The following DCP2 variants were observed in gnomAD, a reference collection of about 807,000 sequenced individuals.
DCP2 encodes the protein decapping mRNA 2.
In DCP2, 30 loss-of-function variants were observed where a neutral mutation model predicts 56.1. That is an observed-to-expected ratio of 0.53 (90% CI 0.40 to 0.73). The LOEUF is 0.73. Ranked by LOEUF, DCP2 falls within the 30% of genes least tolerant of loss-of-function variation. The probability of loss-of-function intolerance (pLI) is 0.00; values close to 1 mark genes in which losing one functional copy is unlikely to be tolerated. For missense variants in DCP2, 533 were observed against 502.7 expected, an observed-to-expected ratio of 1.06 and a Z score of -0.58; for synonymous variants, 197 against 163.3, an observed-to-expected ratio of 1.21 and a Z score of -1.57.
intron 1 of DCP2, chr5:112,984,324 T>C (rs924552135): frequency 6.6e-6 from 1 of 152,200 alleles, no homozygotes; most frequent in African/African-American, 2.4e-5. Context: ...CCTGGTCACA[T>C]ACACATCTAG....
At chr5:112,982,988 T>C (rs1748081880) in intron 1 of DCP2, among the ~76,000 whole-genome samples, 1 of 152,198 alleles carries the variant, frequency 6.6e-6, no homozygotes, top group South Asian at 2.1e-4. Flanking sequence ...TTTTCATTTT[T>C]TAAAATACAG....
intron 2 of DCP2, among the ~76,000 whole-genome samples, chr5:112,987,620 C>T (rs1208805990): frequency 4.3e-5 from 3 of 69,732 alleles, no homozygotes; most frequent in Non-Finnish European, 7.6e-5. Context: ...ACCTAGGTGC[C>T]TTTTTTTTTT....
intron 1 of DCP2, among the ~76,000 whole-genome samples, chr5:112,978,959 A>G (rs961904839): frequency 6.6e-6 from 1 of 152,186 alleles, no homozygotes; most frequent in Non-Finnish European, 1.5e-5. Context: ...TCCTTCTAGT[A>G]TTGGGGTTAA....
intron 4 of DCP2, among the ~76,000 whole-genome samples, chr5:113,000,399 TACAC>T (rs758225763): frequency 9.7e-5 from 12 of 123,656 alleles, no homozygotes; most frequent in African/African-American, 1.5e-4. Context: ...ACTTGTCTAA[TACAC>T]ACACACACAC....
intron 1 of DCP2, among the ~76,000 whole-genome samples, chr5:112,983,173 TG>T (rs1307153963): frequency 6.6e-6 from 1 of 152,234 alleles, no homozygotes; most frequent in Non-Finnish European, 1.5e-5. Context: ...CAAAAACTGA[TG>T]AAGTCTGGGT....
intron 2 of DCP2, among the ~76,000 whole-genome samples, chr5:112,989,875 A>G (rs1748500730): frequency 1.3e-5 from 2 of 152,222 alleles, no homozygotes; most frequent in South Asian, 4.1e-4. Flanking sequence ...CTGTGGTAGT[A>G]GAAATGAATA....
At position 113,010,776 on chromosome 5, in the gene DCP2, T is replaced by A. The variant is rs369850559; in HGVS notation, c.1068T>A (p.His356Gln). 2 of 1,595,152 alleles carry A rather than the reference T, an allele frequency of 1.3e-6. No individual in the cohort carries two copies. Among genetic ancestry groups the A allele is most frequent in the Non-Finnish European group, 8.5e-7 (1 of 1,174,004 alleles). The change falls in exon 10 of 11, where the codon CAT becomes CAA. Residue 356 changes from histidine (H) to glutamine (Q), a missense_variant. Physicochemically the swap from His to Gln is conservative, Grantham distance 24. This residue lies in a region of DCP2 where 392 missense variants were observed against 346.6 expected (regional missense o/e 1.13). Transcript: ENST00000389063. ...AATAGAAGTGTGAAAAGAAACTTCA[T>A]CCACGGAAACTTCAGGATAATTTTG... ...NSLMKCEKKL[H>Q]PRKLQDNFET...
intron 10 of DCP2, among the ~76,000 whole-genome samples, chr5:113,012,106 T>C (rs974041080): frequency 6.6e-6 from 1 of 152,336 alleles, no homozygotes; most frequent in Non-Finnish European, 1.5e-5. Flanking sequence ...AAATTAGTTA[T>C]TTCACAGAAT....
Position 113,001,358 on chromosome 5 carries a change from A to G in DCP2, c.587A>G (p.Asn196Ser), listed in dbSNP as rs766424495. 2 of 1,609,176 alleles carry G rather than the reference A, an allele frequency of 1.2e-6. No homozygotes were observed. The highest frequency in any genetic ancestry group is 2.2e-5 in the East Asian group (1 of 44,854). Residue 196 changes from asparagine to serine, a missense_variant and splice_region_variant, in exon 6 of 11, where the codon AAC (asparagine) becomes AGC (serine). Physicochemically the swap from Asn to Ser is conservative, Grantham distance 46. This residue lies in a region of DCP2 where 392 missense variants were observed against 346.6 expected (regional missense o/e 1.13). Transcript: ENST00000389063. Reference protein sequence around the residue: ...FNPKTRREIRNIEWFSIEKLP... With the variant: ...FNPKTRREIRSIEWFSIEKLP... Reference sequence around the variant, plus strand: ...GAATTATTTTCTTCTGTGTTTCAGAACATTGAGTGGTTCTCTATTGAGAAA... The same window carrying G: ...GAATTATTTTCTTCTGTGTTTCAGAGCATTGAGTGGTTCTCTATTGAGAAA...
chr5:113,000,420 A>ACACACACACACACC (rs112449298), intron 4 of DCP2, among the ~76,000 whole-genome samples: 3,556 of 146,668 alleles, frequency 0.024, 167 homozygotes, highest in African/African-American at 0.072. Context: ...ACACACACAC[A>ACACACACACACACC]CACACCCACA....
intron 9 of DCP2, among the ~76,000 whole-genome samples, chr5:113,008,646 A>C (rs1749547912): frequency 6.6e-6 from 1 of 152,136 alleles, no homozygotes; most frequent in Non-Finnish European, 1.5e-5. Context: ...GTAATTTCAA[A>C]TTTTTAGCAA....
chr5:112,999,626 C>CT (rs760922948), intron 4 of DCP2, among the ~76,000 whole-genome samples: 2,806 of 138,006 alleles, frequency 0.02, 35 homozygotes, highest in Middle Eastern at 0.035. Flanking sequence ...CGCACCCAGC[C>CT]TTTTTTTTTT....
At chr5:112,988,111 G>GA (rs1298390088) in intron 2 of DCP2, among the ~76,000 whole-genome samples, 3 of 152,088 alleles carry the variant, frequency 2.0e-5, no homozygotes, top group Non-Finnish European at 4.4e-5. Flanking sequence ...ATGAAACAGT[G>GA]ATTGTTCTGT....
rs1303248755 is a variant in DCP2, at chr5:113,017,295, C to CA, written c.*3815dup. On this transcript the variant is annotated 3_prime_UTR_variant, in exon 11 of 11. Coordinates refer to ENST00000389063, the MANE Select transcript of DCP2 (RefSeq NM_152624.6). Reference sequence around the variant, plus strand: ...GTTGTTGTAACTTTAGATTACTAAACAAAACAAACTGTTTTTTTGTTTGAA... The same window carrying CA: ...GTTGTTGTAACTTTAGATTACTAAACAAAAACAAACTGTTTTTTTGTTTGAA... 6.6e-6 allele frequency: 1 copy of CA among 151,722 alleles called. No individual in the cohort carries two copies. Among genetic ancestry groups the CA allele is most frequent in the African/African-American group, 2.4e-5 (1 of 41,172 alleles). The allele number at this position is 151,722 out of a possible 1,614,324, so 9.4% of individuals were successfully genotyped here. A position where few individuals can be genotyped will look rare whatever the true frequency, so the allele number is the denominator to read the frequency against.
intron 2 of DCP2, among the ~76,000 whole-genome samples, chr5:112,990,225 C>G (rs1408432366): frequency 6.6e-6 from 1 of 152,288 alleles, no homozygotes; most frequent in East Asian, 1.9e-4. Flanking sequence ...AGCATACGTT[C>G]TCGAGCCACA....
At chr5:112,986,314 C>T (rs1380807893) in intron 2 of DCP2, among the ~76,000 whole-genome samples, 1 of 151,158 alleles carries the variant, frequency 6.6e-6, no homozygotes, top group African/African-American at 2.4e-5. Flanking sequence ...AGATTACTGC[C>T]TTTCTGATTT....
In DCP2 at chr5:113,002,315, C is replaced by T. The variant is rs985725153; in HGVS notation, c.806+641C>T. 1.7e-4 allele frequency among the ~76,000 whole-genome samples: 25 copies of T among 151,308 alleles called. 1 individual carries two copies. The highest frequency in any genetic ancestry group is 8.4e-4 in the South Asian group (4 of 4,784). On this transcript the variant is annotated intron_variant, in intron 7 of 10. Coordinates refer to ENST00000389063, the MANE Select transcript of DCP2 (RefSeq NM_152624.6). ...GCAGGCACCTGTAATCCCAGCTTCT[C>T]GGGAGGCTGAGGCAGGAGAATGGCT...
intron 8 of DCP2, among the ~76,000 whole-genome samples, 192 bp downstream of exon 8, chr5:113,004,269 TTAATAA>T (rs531458381): frequency 6.6e-6 from 1 of 152,216 alleles, no homozygotes; most frequent in Admixed American, 6.5e-5. Context: ...GTAAATCCAG[TTAATAA>T]TAAGAATTAG....
chr5:112,988,929 TTGCC>T (rs1276080573), intron 2 of DCP2, among the ~76,000 whole-genome samples: 1 of 152,346 alleles, frequency 6.6e-6, no homozygotes, highest in Admixed American at 6.5e-5. Flanking sequence ...GTTTTACACT[TTGCC>T]TGCTATTACA....
Sources: allele counts gnomAD v4.1 joint callset (sites outside exome capture counted in the v4.1 genomes callset), GRCh38; gene constraint gnomAD v4.1.1; regional missense constraint gnomAD v4.1.1; transcripts MANE v1.5; gene names NCBI Gene and HGNC (gene_info 2026-07-23, HGNC 2026-07-21).